HPGDS: variants seen among roughly 807,000 people sequenced by gnomAD.
The protein encoded by HPGDS is GST class-sigma.
HPGDS carries 26 observed loss-of-function variants against 23.1 expected under a neutral mutation model. That is an observed-to-expected ratio of 1.13 (90% CI 0.83 to 1.56). The LOEUF is 1.56. Ranked by LOEUF, HPGDS falls within the 40% of genes most tolerant of loss-of-function variation. HPGDS has a pLI of 0.00. For missense variants in HPGDS, 268 were observed against 236.4 expected, an observed-to-expected ratio of 1.13 and a Z score of -0.88; for synonymous variants, 95 against 77.9, an observed-to-expected ratio of 1.22 and a Z score of -1.16.
intron 4 of HPGDS, among the ~76,000 whole-genome samples, chr4:94,308,208 T>G (rs1394568758): frequency 6.6e-6 from 1 of 152,182 alleles, no homozygotes; most frequent in East Asian, 1.9e-4. Flanking sequence ...TGTTAAGTAC[T>G]TACATGTGGA....
rs576092798 is a variant in HPGDS, at chr4:94,337,209, A to G, written c.-9-2571T>C. Among the ~76,000 whole-genome samples the G allele has an allele frequency of 4.6e-5, 7 of 152,164 alleles. No homozygotes were observed. In the East Asian group the frequency reaches 5.8e-4, roughly 13 times the overall value. ...TCAGATTGGTCTCCCAACCTCAGGTAATCCACCCCCCTTGGCCTCCCAAAG... is the reference window on the plus strand; with the variant it reads ...TCAGATTGGTCTCCCAACCTCAGGTGATCCACCCCCCTTGGCCTCCCAAAG... On this transcript the variant is annotated intron_variant, in intron 1 of 5. Coordinates refer to ENST00000295256, the MANE Select transcript of HPGDS (RefSeq NM_014485.3).
intron 3 of HPGDS, among the ~76,000 whole-genome samples, chr4:94,310,450 G>A (rs551789720): frequency 5.3e-5 from 8 of 152,224 alleles, no homozygotes; most frequent in Non-Finnish European, 1.0e-4. Flanking sequence ...TAGATGTGTG[G>A]TATTATTTCT....
intron 2 of HPGDS, among the ~76,000 whole-genome samples, chr4:94,330,165 T>C (rs1230984811): frequency 6.6e-6 from 1 of 152,208 alleles, no homozygotes; most frequent in Non-Finnish European, 1.5e-5. Context: ...GAAAACTTAA[T>C]TGTCCTTTGG....
At chr4:94,316,498 A>C (rs778244707) in intron 3 of HPGDS, among the ~76,000 whole-genome samples, 14 of 152,258 alleles carry the variant, frequency 9.2e-5, no homozygotes, top group Non-Finnish European at 1.8e-4. Context: ...TAATCTTCCC[A>C]AAATGCATAG....
chr4:94,312,535 T>C (rs919609687), intron 3 of HPGDS, among the ~76,000 whole-genome samples: 5 of 152,212 alleles, frequency 3.3e-5, no homozygotes, highest in Non-Finnish European at 5.9e-5. Flanking sequence ...CTTTTACATT[T>C]GCTGAGGAGT....
chr4:94,324,298 T>C (rs1331346030), intron 2 of HPGDS, among the ~76,000 whole-genome samples: 1 of 152,206 alleles, frequency 6.6e-6, no homozygotes, highest in Non-Finnish European at 1.5e-5. Flanking sequence ...TGAATTTGCA[T>C]GTTGGCCTGT....
chr4:94,336,377 G>C (rs1721012754), intron 1 of HPGDS, among the ~76,000 whole-genome samples: 2 of 152,110 alleles, frequency 1.3e-5, no homozygotes. Flanking sequence ...CCAGGTTCAG[G>C]AAGTGACGGT....
At chr4:94,325,978 G>GTT (rs111331217) in intron 2 of HPGDS, among the ~76,000 whole-genome samples, 1,632 of 141,924 alleles carry the variant, frequency 0.011, 30 homozygotes, top group African/African-American at 0.039. Flanking sequence ...TGGCTGACAG[G>GTT]TTTTTTTTTT....
intron 2 of HPGDS, among the ~76,000 whole-genome samples, chr4:94,321,486 T>G (rs192244780): frequency 0.025 from 3,809 of 152,152 alleles, 103 homozygotes; most frequent in African/African-American, 0.075. Context: ...CACATCCCTT[T>G]TAAGTTGGAT....
chr4:94,309,310 C>A (rs1756211319), intron 3 of HPGDS, among the ~76,000 whole-genome samples: 1 of 147,574 alleles, frequency 6.8e-6, no homozygotes, highest in South Asian at 2.2e-4. Flanking sequence ...GTGATGTTCC[C>A]CTTCCTGTGT....
chr4:94,323,616 G>T (rs1291895446), intron 2 of HPGDS, among the ~76,000 whole-genome samples: 1 of 151,812 alleles, frequency 6.6e-6, no homozygotes, highest in East Asian at 1.9e-4. Flanking sequence ...CATTTGCTTG[G>T]TAGATCTTCC....
intron 4 of HPGDS, among the ~76,000 whole-genome samples, chr4:94,302,702 G>A (rs561391028): frequency 3.3e-5 from 5 of 151,968 alleles, no homozygotes; most frequent in Admixed American, 2.0e-4. Context: ...TCACTATTGC[G>A]TTTATAATGA....
In HPGDS at chr4:94,298,889, G is replaced by T. The variant is rs924403660; in HGVS notation, c.*591C>A. On this transcript the variant is annotated 3_prime_UTR_variant, in exon 6 of 6. Transcript: ENST00000295256. The stretch of plus-strand genomic sequence containing the variant: ...TTGCTGCACTTTCATCTTTGTTGGG[G>T]AGTTCCCTCTTTTGATTCATTTTTG... 2 of 152,160 alleles carry T rather than the reference G, an allele frequency of 1.3e-5. No individual in the cohort carries two copies. The highest frequency in any genetic ancestry group is 4.8e-5 in the African/African-American group (2 of 41,414). 9.4% of individuals were successfully genotyped at this position (152,160 alleles called of 1,614,324 possible).
chr4:94,325,388 G>A (rs1358025238), intron 2 of HPGDS, among the ~76,000 whole-genome samples: 1 of 152,202 alleles, frequency 6.6e-6, no homozygotes, highest in Non-Finnish European at 1.5e-5. Flanking sequence ...GCCCCCAGAG[G>A]TGGAGTCTAC....
At chr4:94,314,954 TCTC>T (rs897308185) in intron 3 of HPGDS, among the ~76,000 whole-genome samples, 2 of 152,332 alleles carry the variant, frequency 1.3e-5, no homozygotes, top group South Asian at 2.1e-4. Context: ...CGGGATATAA[TCTC>T]CTGGTGTGCC....
chr4:94,317,792 T>C lies in HPGDS; in HGVS notation c.226+81A>G, dbSNP rs1163103843. 1.5e-5 allele frequency: 12 copies of C among 812,180 alleles called. No individual in the cohort carries two copies. The East Asian group carries it at 3.2e-4, about 21-fold the overall frequency. 50.3% of individuals were successfully genotyped at this position (812,180 alleles called of 1,614,324 possible). ...TTATTTGTACTATAGTATGCTATGCTAAAGTCATTTAATGAATATTGAATA... is the reference window on the plus strand; with the variant it reads ...TTATTTGTACTATAGTATGCTATGCCAAAGTCATTTAATGAATATTGAATA... On this transcript the variant is annotated intron_variant, in intron 3 of 5. Coordinates refer to ENST00000295256, the MANE Select transcript of HPGDS (RefSeq NM_014485.3).
intron 5 of HPGDS, 61 bp downstream of exon 5, chr4:94,302,085 A>T: frequency 7.9e-7 from 1 of 1,260,608 alleles, no homozygotes; most frequent in Non-Finnish European, 1.1e-6. Flanking sequence ...GTAAGTTTTT[A>T]TACTTCTATT....
intron 2 of HPGDS, among the ~76,000 whole-genome samples, chr4:94,325,737 C>T (rs1463992412): frequency 6.6e-6 from 1 of 152,204 alleles, no homozygotes; most frequent in Non-Finnish European, 1.5e-5. Flanking sequence ...CCCTGTGCTT[C>T]CTGGGTGAGG....
rs754901910 is a variant in HPGDS at position 94,317,920 on chromosome 4, G to T, written c.179C>A (p.Thr60Asn). 2 of 1,612,236 alleles carry T rather than the reference G, an allele frequency of 1.2e-6. No individual in the cohort carries two copies. The highest frequency in any genetic ancestry group is 1.7e-6 in the Non-Finnish European group (2 of 1,179,054). ...TGCTATTGCTAGGCTCTGGTGAAGA[G>T]TAAGTCCATCAACTTCCAAAATGGG... Reference protein sequence around the residue: ...KIPILEVDGLTLHQSLAIARY... With the variant: ...KIPILEVDGLNLHQSLAIARY... The change falls in exon 3 of 6, where the codon ACT (threonine) becomes AAT (asparagine). Residue 60 changes from threonine (T) to asparagine (N), a missense_variant. Thr to Asn is a moderately conservative substitution (Grantham distance 65). Transcript: ENST00000295256.
Sources: allele counts gnomAD v4.1 joint callset (sites outside exome capture counted in the v4.1 genomes callset), GRCh38; gene constraint gnomAD v4.1.1; transcripts MANE v1.5; gene names NCBI Gene and HGNC (gene_info 2026-07-23, HGNC 2026-07-21).